The following ROBO1 variants were observed in gnomAD, a reference collection of about 807,000 sequenced individuals.
ROBO1 encodes roundabout guidance receptor 1, also known as roundabout homolog 1.
In ROBO1, 149 loss-of-function variants were observed where a neutral mutation model predicts 195.9. The ratio of observed to expected loss-of-function variants is 0.76; its 90% CI spans 0.67 to 0.87. ROBO1 has a LOEUF of 0.87. Among genes scored for constraint, ROBO1 ranks in the 40% least tolerant of loss-of-function variants. The pLI, the probability that ROBO1 is intolerant of heterozygous loss-of-function variation, is 0.00. For synonymous variants in ROBO1, 816 were observed against 733.2 expected, an observed-to-expected ratio of 1.11 and a Z score of -1.82; for missense variants, 1,933 against 2,068.3, an observed-to-expected ratio of 0.93 and a Z score of 1.27.
intron 2 of ROBO1, among the ~76,000 whole-genome samples, chr3:79,247,119 C>G (rs1209050789): frequency 7.1e-6 from 1 of 141,704 alleles, no homozygotes; most frequent in African/African-American, 2.7e-5. Flanking sequence ...CATTAAGGCT[C>G]CTGTTTACTG....
At chr3:78,952,917 G>C (rs2040862375) in intron 3 of ROBO1, among the ~76,000 whole-genome samples, 1 of 152,026 alleles carries the variant, frequency 6.6e-6, no homozygotes, top group Non-Finnish European at 1.5e-5. Flanking sequence ...ATAATTAACT[G>C]AGTGCCATTG....
At chr3:79,451,719 C>A in intron 2 of ROBO1, among the ~76,000 whole-genome samples, 1 of 151,850 alleles carries the variant, frequency 6.6e-6, no homozygotes, top group African/African-American at 2.4e-5. Flanking sequence ...ACAACCAGTA[C>A]GTGGTATTTC....
chr3:78,830,944 G>A (rs563826521), intron 4 of ROBO1, among the ~76,000 whole-genome samples: 71 of 151,836 alleles, frequency 4.7e-4, no homozygotes, highest in African/African-American at 1.6e-3. Flanking sequence ...ATGGAGTCTC[G>A]CTCTGTCACC....
chr3:78,664,890 A>G (rs1421216757), intron 14 of ROBO1, among the ~76,000 whole-genome samples: 1 of 152,198 alleles, frequency 6.6e-6, no homozygotes, highest in Non-Finnish European at 1.5e-5. Flanking sequence ...CAAGGCTTCC[A>G]GCCTCAAATG....
chr3:78,791,157 A>G (rs996468278), intron 4 of ROBO1, among the ~76,000 whole-genome samples: 2 of 152,166 alleles, frequency 1.3e-5, no homozygotes, highest in African/African-American at 2.4e-5. Flanking sequence ...AGAAGTGTCT[A>G]CTTCTCTACT....
chr3:79,740,694 T>A (rs1576305973), intron 1 of ROBO1, among the ~76,000 whole-genome samples: 1 of 152,116 alleles, frequency 6.6e-6, no homozygotes, highest in Admixed American at 6.5e-5. Flanking sequence ...CTTCACCTGA[T>A]CCTGCCGTTG....
At position 79,704,143 on chromosome 3, in the gene ROBO1, G is replaced by A. The variant is rs140888681; in HGVS notation, c.-51+63609C>T. 9.3e-3 allele frequency among the ~76,000 whole-genome samples: 1,416 copies of A among 151,912 alleles called. 13 individuals carry two copies. Among genetic ancestry groups the A allele is most frequent in the Middle Eastern group, 0.034 (10 of 294 alleles). On this transcript the variant is annotated intron_variant, in intron 1 of 30. Coordinates refer to ENST00000464233, the MANE Select transcript of ROBO1 (RefSeq NM_002941.4). ...TATCTCCTATACCCACTGTACACAG[G>A]CATAGCCTCCCGGATGATCAACATT...
In ROBO1 at chr3:79,513,955, T is replaced by C. The variant is rs561630544; in HGVS notation, c.88+75869A>G. Among the ~76,000 whole-genome samples the C allele has an allele frequency of 2.6e-5, 4 of 152,354 alleles. No individual in the cohort carries two copies. In the East Asian group the frequency reaches 7.7e-4, roughly 29 times the overall value. On this transcript the variant is annotated intron_variant, in intron 2 of 30. Coordinates refer to ENST00000464233, the MANE Select transcript of ROBO1 (RefSeq NM_002941.4). ...TGTTGGTATAACACAATTATATGTA[T>C]GAATCACTCAGAACTTCTTCTGACT...
At chr3:79,049,378 C>G (rs568723416) in intron 3 of ROBO1, among the ~76,000 whole-genome samples, 1 of 152,218 alleles carries the variant, frequency 6.6e-6, no homozygotes, top group South Asian at 2.1e-4. Flanking sequence ...AACAAAGCCT[C>G]AGAGAAATAA....
intron 3 of ROBO1, among the ~76,000 whole-genome samples, chr3:79,074,837 C>T (rs989326097): frequency 1.3e-5 from 2 of 151,728 alleles, no homozygotes; most frequent in Admixed American, 6.6e-5. Context: ...CTAAATACTA[C>T]ATAAATCTGT....
chr3:79,122,775 T>C (rs1039344062), intron 3 of ROBO1, among the ~76,000 whole-genome samples: 3 of 151,956 alleles, frequency 2.0e-5, no homozygotes, highest in African/African-American at 7.2e-5. Context: ...TAAATGGGAA[T>C]TTTAGTGAAA....
At chr3:78,794,615 T>C (rs2084128952) in intron 4 of ROBO1, among the ~76,000 whole-genome samples, 1 of 152,252 alleles carries the variant, frequency 6.6e-6, no homozygotes, top group Middle Eastern at 3.4e-3. Context: ...CCTCACTTTG[T>C]CACCCAGACT....
chr3:79,480,142 C>T (rs952938805), intron 2 of ROBO1, among the ~76,000 whole-genome samples: 1 of 152,050 alleles, frequency 6.6e-6, no homozygotes, highest in African/African-American at 2.4e-5. Context: ...AATTGTTTTA[C>T]AAAGTTTTGA....
chr3:79,338,262 T>G (rs2034761577), intron 2 of ROBO1, among the ~76,000 whole-genome samples: 1 of 152,208 alleles, frequency 6.6e-6, no homozygotes, highest in East Asian at 1.9e-4. Context: ...TCTTTAAATA[T>G]TGCATTTAAT....
At chr3:79,023,173 C>T (rs1334328089) in intron 3 of ROBO1, among the ~76,000 whole-genome samples, 4 of 151,916 alleles carry the variant, frequency 2.6e-5, no homozygotes, top group Admixed American at 2.0e-4. Context: ...ACATGCAATG[C>T]ACACCAAGGC....
intron 5 of ROBO1, among the ~76,000 whole-genome samples, chr3:78,730,153 T>C (rs1368317107): frequency 2.0e-5 from 3 of 152,216 alleles, no homozygotes; most frequent in Non-Finnish European, 2.9e-5. Context: ...CTTGGCTCTT[T>C]TGAATTACAA....
At chr3:79,397,687 C>A (rs1052952725) in intron 2 of ROBO1, among the ~76,000 whole-genome samples, 2 of 152,134 alleles carry the variant, frequency 1.3e-5, no homozygotes, top group Admixed American at 6.6e-5. Context: ...CTTGACTAAG[C>A]AATGAAACCC....
Position 79,371,594 on chromosome 3 carries a change from C to CA in ROBO1, c.88+218229dup, listed in dbSNP as rs112369486. Among the ~76,000 whole-genome samples, 761 of 146,866 alleles carry CA rather than the reference C, an allele frequency of 5.2e-3. 9 individuals carry two copies. Among genetic ancestry groups the CA allele is most frequent in the African/African-American group, 0.017 (675 of 40,060 alleles). ...ATACCAAAATGCACATGTAAACATG[C>CA]AAAAAAAAATGGTTCTTGAAGGAAT... On this transcript the variant is annotated intron_variant, in intron 2 of 30. Transcript: ENST00000464233.
At chr3:79,413,157 C>A (rs912525725) in intron 2 of ROBO1, among the ~76,000 whole-genome samples, 1 of 151,838 alleles carries the variant, frequency 6.6e-6, no homozygotes, top group African/African-American at 2.4e-5. Context: ...TAATATTCTA[C>A]AACCTGAGCT....
Sources: allele counts gnomAD v4.1 joint callset (sites outside exome capture counted in the v4.1 genomes callset), GRCh38; gene constraint gnomAD v4.1.1; transcripts MANE v1.5; gene names NCBI Gene and HGNC (gene_info 2026-07-23, HGNC 2026-07-21).